Variants in DONSON observed in about 807,000 individuals in gnomAD.
DONSON encodes the protein protein downstream neighbor of Son.
In DONSON, 43 loss-of-function variants were observed where a neutral mutation model predicts 62.1. The observed-to-expected ratio is 0.69, with a 90% CI of 0.54 to 0.89. The LOEUF is 0.89. DONSON is among the 40% of genes least tolerant of loss of function. DONSON has a pLI of 0.00. For synonymous variants in DONSON, 266 were observed against 264.6 expected (o/e 1.01, Z -0.05); for missense variants, 696 against 697.5 (o/e 1.00, Z 0.03).
In DONSON at chr21:33,586,101, C is replaced by T. The variant is rs761731134; in HGVS notation, c.483G>A (p.Thr161=). The change falls in exon 3 of 10, where the codon ACG becomes ACA. Residue 161 remains threonine (T), a synonymous_variant. Transcript: ENST00000303071. Reference sequence around the variant, plus strand: ...GTTGAGAAGAGGTGAAAAGGAGTCGCGTTTTAATACTCCAGTCCACAGGTA... The same window carrying T: ...GTTGAGAAGAGGTGAAAAGGAGTCGTGTTTTAATACTCCAGTCCACAGGTA... ...TELPVDWSIK[T]RLLFTSSQPF... 7.4e-6 allele frequency: 12 copies of T among 1,613,986 alleles called. No homozygotes were observed. Among genetic ancestry groups the T allele is most frequent in the African/African-American group, 5.3e-5 (4 of 74,902 alleles).
intron 7 of DONSON, among the ~76,000 whole-genome samples, chr21:33,581,718 T>C (rs898084074): frequency 6.6e-6 from 1 of 152,232 alleles, no homozygotes; most frequent in African/African-American, 2.4e-5. Flanking sequence ...TCTTCTCTAG[T>C]CAAAACACAC....
At chr21:33,587,471 A>G (rs2086590627) in intron 2 of DONSON, 51 bp downstream of exon 2, 2 of 1,510,624 alleles carry the variant, frequency 1.3e-6, no homozygotes, top group Non-Finnish European at 1.8e-6. Flanking sequence ...AAATCCTATG[A>G]AAAAAAAGTT....
At chr21:33,584,160 T>C (rs2086551699) in intron 4 of DONSON, among the ~76,000 whole-genome samples, 2 of 150,828 alleles carry the variant, frequency 1.3e-5, no homozygotes, top group Admixed American at 1.3e-4. Flanking sequence ...TTCTCCTGCC[T>C]CAGCCTCCCG....
rs372126686 is a variant in DONSON at position 33,579,480 on chromosome 21, G to A, written c.1433C>T (p.Pro478Leu). The A allele has an allele frequency of 9.9e-6, 16 of 1,614,106 alleles. No individual in the cohort carries two copies. The highest frequency in any genetic ancestry group is 1.7e-5 in the Admixed American group (1 of 60,010). Residue 478 changes from proline (P) to leucine (L), a missense_variant, in exon 9 of 10, where the codon CCT becomes CTT. Transcript: ENST00000303071. ...FSLEITGPIM[P>L]HSLHSLTMLL... ...CATGGTCAGTGAATGCAGAGAATGA[G>A]GCATGATAGGACCTGTAATCTCCAA... is the stretch of plus-strand genomic sequence containing the variant.
chr21:33,579,433 C>T lies in DONSON; in HGVS notation c.1480G>A (p.Gly494Arg), dbSNP rs2145899175. 2.5e-6 allele frequency: 4 copies of T among 1,614,150 alleles called. No individual in the cohort carries two copies. The African/African-American group carries it at 4.0e-5, about 16-fold the overall frequency. The part of the protein sequence containing the change: ...LTMLLKSSQS[G>R]SFSAVLYPHE... ...GGATACAGTACTGCAGAGAAAGATC[C>T]ACTCTGTGAAGATTTGAGCAGCATG... is the stretch of plus-strand genomic sequence containing the variant. Residue 494 changes from glycine (G) to arginine (R), a missense_variant, in exon 9 of 10, where the codon GGA (glycine) becomes AGA (arginine). Coordinates refer to ENST00000303071, the MANE Select transcript of DONSON (RefSeq NM_017613.4).
intron 4 of DONSON, among the ~76,000 whole-genome samples, 161 bp from the exon 5 acceptor site, chr21:33,583,827 G>A (rs1423518998): frequency 6.6e-6 from 1 of 151,922 alleles, no homozygotes; most frequent in Non-Finnish European, 1.5e-5. Flanking sequence ...TTAAAGGACT[G>A]AAATTGGTTA....
chr21:33,580,424 C>T (rs543684659), intron 8 of DONSON, among the ~76,000 whole-genome samples: 26 of 97,062 alleles, frequency 2.7e-4, no homozygotes, highest in Admixed American at 2.4e-3. Context: ...ATTAGCCAGG[C>T]GTGGTGGCAC....
chr21:33,583,673 A>G lies in DONSON; in HGVS notation c.786-7T>C, dbSNP rs202168282. ...AGAAGTAAAGCTCACAGACCTATGA[A>G]GTAAAAAAATTTTCTTAAGGTATTA... On this transcript the variant is annotated splice_region_variant and splice_polypyrimidine_tract_variant and intron_variant, in intron 4 of 9. Transcript: ENST00000303071. 168 of 1,571,412 alleles carry G rather than the reference A, an allele frequency of 1.1e-4. No individual in the cohort carries two copies. The highest frequency in any genetic ancestry group is 1.4e-4 in the Non-Finnish European group (159 of 1,159,376).
At position 33,582,001 on chromosome 21, in the gene DONSON, C is replaced by T. The variant is rs2086516959; in HGVS notation, c.1101G>A (p.Glu367=). 2 of 1,614,182 alleles carry T rather than the reference C, an allele frequency of 1.2e-6. No individual in the cohort carries two copies. The highest frequency in any genetic ancestry group is 2.2e-5 in the South Asian group (2 of 91,082). ...DEEESFSWLE[E]MGVQDKIKKP... ...TTTTAATTTTATCTTGCACACCCAT[C>T]TCTTCCAGCCAGGAAAAACTTTCCT... The change falls in exon 7 of 10, where the codon GAG becomes GAA. Residue 367 remains glutamate (E), a synonymous_variant. Transcript: ENST00000303071.
intron 4 of DONSON, 144 bp downstream of exon 4, chr21:33,584,446 G>T: frequency 2.8e-6 from 2 of 710,770 alleles, no homozygotes; most frequent in Middle Eastern, 4.3e-4. Context: ...CAGTTTATAT[G>T]TTGGTTATTA....
chr21:33,585,876 A>G, intron 3 of DONSON, 102 bp downstream of exon 3: 1 of 1,156,212 alleles, frequency 8.6e-7, no homozygotes, highest in Non-Finnish European at 1.3e-6. Flanking sequence ...TTAAATTTCC[A>G]AAGAAAAACT....
intron 9 of DONSON, 94 bp from the exon 10 acceptor site, chr21:33,578,538 C>T (rs1043584318): frequency 1.6e-5 from 21 of 1,309,348 alleles, no homozygotes; most frequent in East Asian, 2.5e-5. Flanking sequence ...AAATAAATGG[C>T]TGATTAATGT....
Position 33,579,551 on chromosome 21 carries a change from C to G in DONSON, c.1362G>C (p.Val454=). 6.2e-7 allele frequency: 1 copy of G among 1,613,952 alleles called. No homozygotes were observed. Residue 454 remains valine (V), a synonymous_variant, in exon 9 of 10, where the codon GTG becomes GTC. Transcript: ENST00000303071. ...CAGAAAGAGCTTGTGTCTTCACATT[C>G]ACACTCCGTGCCTTCATGAAAATGT... ...ATMQMLKARS[V]NVKTQALSGY...
At chr21:33,578,580 G>T in intron 9 of DONSON, 136 bp from the exon 10 acceptor site, 1 of 1,016,614 alleles carries the variant, frequency 9.8e-7, no homozygotes, top group African/African-American at 1.6e-5. Context: ...TTGATGCTAA[G>T]AATTTTTGTA....
chr21:33,580,266 G>T (rs1324819638), intron 8 of DONSON, among the ~76,000 whole-genome samples: 3 of 149,026 alleles, frequency 2.0e-5, no homozygotes, highest in African/African-American at 7.4e-5. Flanking sequence ...ATGAATGAAT[G>T]AATGCAGGGC....
intron 2 of DONSON, among the ~76,000 whole-genome samples, chr21:33,586,856 G>A (rs977259131): frequency 9.0e-5 from 13 of 144,202 alleles, no homozygotes; most frequent in African/African-American, 3.2e-4. Context: ...CAGGCTGTTC[G>A]CGAACTCCTG....
chr21:33,577,610 C>CAT lies in DONSON; in HGVS notation c.*696_*697insAT, dbSNP rs2086434921. 6.4e-5 allele frequency: 2 copies of CAT among 31,352 alleles called. No individual in the cohort carries two copies. The highest frequency in any genetic ancestry group is 8.8e-4 in the East Asian group (1 of 1,136). 1.9% of individuals were successfully genotyped at this position (31,352 alleles called of 1,614,324 possible). A position where few individuals can be genotyped will look rare whatever the true frequency, so the allele number is the denominator to read the frequency against. On this transcript the variant is annotated 3_prime_UTR_variant, in exon 10 of 10. Coordinates refer to ENST00000303071, the MANE Select transcript of DONSON (RefSeq NM_017613.4). ...GAATTATACAGTCCCCCCCTACACA[C>CAT]ACACACACACACACACACACACACA...
At chr21:33,584,014 TTA>T (rs57309977) in intron 4 of DONSON, among the ~76,000 whole-genome samples, 12,487 of 121,258 alleles carry the variant, frequency 0.1, 748 homozygotes, top group African/African-American at 0.19. Context: ...GGCTGCGTGT[TTA>T]TATATATATA....
Position 33,581,443 on chromosome 21 carries a change from T to C in DONSON, c.1209A>G (p.Val403=), listed in dbSNP as rs138845591. The change falls in exon 8 of 10, where the codon GTA becomes GTG. Residue 403 remains valine (V), a synonymous_variant. Coordinates refer to ENST00000303071, the MANE Select transcript of DONSON (RefSeq NM_017613.4). ...GCAATGTAAAGGTGTTGATTCCTTT[T>C]ACCAACACAACAGATTCAGGTCTGT... ...MDHRPESVVL[V]KGINTFTLLN... is the part of the protein sequence containing the mutation. The C allele has an allele frequency of 1.4e-5, 22 of 1,613,934 alleles. No individual in the cohort carries two copies. The African/African-American group carries it at 2.9e-4, about 22-fold the overall frequency.
Sources: gnomAD v4.1 joint callset for allele counts (sites outside exome capture counted in the v4.1 genomes callset) on GRCh38, gnomAD v4.1.1 for gene constraint, MANE v1.5 for transcripts, NCBI Gene and HGNC (gene_info 2026-07-23, HGNC 2026-07-21) for gene names.